The following AP1G2 variants were observed in gnomAD, a reference collection of about 807,000 sequenced individuals.
The protein encoded by AP1G2 is AP-1 complex subunit gamma-like 2.
AP1G2 carries 85 observed loss-of-function variants against 95.8 expected under a neutral mutation model. The observed-to-expected ratio is 0.89, with a 90% CI of 0.74 to 1.06. The LOEUF (loss-of-function observed/expected upper bound fraction) is 1.06, where lower values mean the gene tolerates loss of function less well. AP1G2 is among the 50% of genes least tolerant of loss of function. The pLI is 0.00. For synonymous variants in AP1G2, 378 were observed against 400.0 expected (o/e 0.94, Z 0.66); for missense variants, 967 against 1,005.8 (o/e 0.96, Z 0.52).
In AP1G2 at chr14:23,563,370, G is replaced by A. The variant is rs373713459; in HGVS notation, c.1410+10C>T. On this transcript the variant is annotated intron_variant, in intron 14 of 21. Coordinates refer to ENST00000397120, the MANE Select transcript of AP1G2 (RefSeq NM_003917.5). ...GGGCAGCCCTGGGCCTAGGTAGGTG[G>A]GAATGGTACCTGGGAAATGTCTTCT... is the stretch of plus-strand genomic sequence containing the variant. The A allele has an allele frequency of 1.9e-6, 3 of 1,580,216 alleles. No individual in the cohort carries two copies. The highest frequency in any genetic ancestry group is 2.7e-5 in the African/African-American group (2 of 74,054).
In AP1G2 at chr14:23,567,686, CAGGCA is replaced by C; in HGVS notation, c.-6+48_-6+52del. 1 of 913,694 alleles carries C rather than the reference CAGGCA, an allele frequency of 1.1e-6. No individual in the cohort carries two copies. Among genetic ancestry groups the C allele is most frequent in the Non-Finnish European group, 1.3e-6 (1 of 759,844 alleles). 56.6% of individuals were successfully genotyped at this position (913,694 alleles called of 1,614,324 possible). ...GAGCTTCCTCCCCCGATTTCCATCTCAGGCAGCGGCAGCGGCAGCGACAGCCTGCC... is the reference window on the plus strand; with the variant it reads ...GAGCTTCCTCCCCCGATTTCCATCTCGCGGCAGCGGCAGCGACAGCCTGCC... On this transcript the variant is annotated intron_variant, in intron 1 of 21. Transcript: ENST00000397120. The surrounding 1 kb of genome is among the most constrained non-coding windows in gnomAD (Gnocchi z 5.3).
rs769470155 is a variant in AP1G2 at position 23,566,071 on chromosome 14, A to C, written c.561T>G (p.Arg187=). 1 of 1,614,132 alleles carries C rather than the reference A, an allele frequency of 6.2e-7. No individual in the cohort carries two copies. The highest frequency in any genetic ancestry group is 8.5e-7 in the Non-Finnish European group (1 of 1,180,012). Residue 187 remains arginine (R), a synonymous_variant, in exon 5 of 22, where the codon CGT becomes CGG. Coordinates refer to ENST00000397120, the MANE Select transcript of AP1G2 (RefSeq NM_003917.5). ...LPPCAQLLHE[R]HHGILLGTIT... ...GGGGCCCCACAGCCTTACCATGGTG[A>C]CGCTCATGAAGCAGTTGGGCACAGG...
Position 23,562,313 on chromosome 14 carries a change from T to C in AP1G2, c.1603A>G (p.Ser535Gly), listed in dbSNP as rs773276758. ...GYALTALMKL[S>G]TRLCGDNNRI... is the part of the protein sequence containing the mutation. ...TTGTTGTCCCCACAGAGGCGAGTGC[T>C]GAGCTTCATGAGGGCTGTGAGGGCA... The change falls in exon 16 of 22, where the codon AGC becomes GGC. Residue 535 changes from serine (S) to glycine (G), a missense_variant. Coordinates refer to ENST00000397120, the MANE Select transcript of AP1G2 (RefSeq NM_003917.5). The C allele has an allele frequency of 8.7e-6, 14 of 1,614,010 alleles. No homozygotes were observed. Among genetic ancestry groups the C allele is most frequent in the Non-Finnish European group, 1.2e-5 (14 of 1,179,962 alleles).
rs533190621 is a variant in AP1G2 at position 23,562,346 on chromosome 14, G to C, written c.1570C>G (p.Arg524Gly). Residue 524 changes from arginine (R) to glycine (G), a missense_variant, in exon 16 of 22, where the codon CGA becomes GGA. Physicochemically the swap from Arg to Gly is moderately radical, Grantham distance 125 (BLOSUM62 -2). Coordinates refer to ENST00000397120, the MANE Select transcript of AP1G2 (RefSeq NM_003917.5). ...ATGAGGGCTGTGAGGGCATATCCTC[G>C]AGTGGCTGGCAGGGACATGTGGGAC... The part of the protein sequence containing the change: ...LQSHMSLPAT[R>G]GYALTALMKL... The C allele has an allele frequency of 1.2e-6, 2 of 1,614,160 alleles. No individual in the cohort carries two copies. The highest frequency in any genetic ancestry group is 4.5e-5 in the East Asian group (2 of 44,892).
chr14:23,563,750 C>T lies in AP1G2; in HGVS notation c.1198G>A (p.Asp400Asn). The part of the protein sequence containing the change: ...LESCPPDLRA[D>N]CASGILLAAE... The stretch of plus-strand genomic sequence containing the variant: ...GCCAGCAGGATGCCTGAGGCACAGT[C>T]AGCCCGTAGGTCAGGAGGGCAGGAC... Residue 400 changes from aspartate to asparagine, a missense_variant, in exon 12 of 22, where the codon GAC (aspartate) becomes AAC (asparagine). Asp to Asn is a conservative substitution (Grantham distance 23). Transcript: ENST00000397120. 2 of 1,614,208 alleles carry T rather than the reference C, an allele frequency of 1.2e-6. No homozygotes were observed. The highest frequency in any genetic ancestry group is 1.7e-6 in the Non-Finnish European group (2 of 1,180,026).
intron 12 of AP1G2, 27 bp downstream of exon 12, chr14:23,563,689 A>G: frequency 6.2e-7 from 1 of 1,613,920 alleles, no homozygotes; most frequent in Non-Finnish European, 8.5e-7. Context: ...CCCAGATTCT[A>G]CCCTCTTCGA....
At position 23,566,656 on chromosome 14, in the gene AP1G2, TGGA is replaced by T. The variant is rs1214400069; in HGVS notation, c.232_234del (p.Ser78del). The T allele has an allele frequency of 1.2e-6, 2 of 1,614,204 alleles. No individual in the cohort carries two copies. Among genetic ancestry groups the T allele is most frequent in the African/African-American group, 2.7e-5 (2 of 75,042 alleles). On this transcript the variant is annotated inframe_deletion, in exon 3 of 22. Coordinates refer to ENST00000397120, the MANE Select transcript of AP1G2 (RefSeq NM_003917.5). ...TAGCCCACCCTCTTGTCTGTGAATC[TGGA>T]GGAGGCGATCAGTTTCAGGCACTCC...
chr14:23,559,828 C>T lies in AP1G2; in HGVS notation c.2279G>A (p.Arg760His), dbSNP rs74849041. Residue 760 changes from arginine (R) to histidine (H), a missense_variant, in exon 22 of 22, where the codon CGC becomes CAC. By Grantham distance (29) the Arg-to-His change is conservative (BLOSUM62 0). Coordinates refer to ENST00000397120, the MANE Select transcript of AP1G2 (RefSeq NM_003917.5). Reference protein sequence around the residue: ...PNKAPLRLKLRLTYDHFHQSV... With the variant: ...PNKAPLRLKLHLTYDHFHQSV... ...CTGGTGAAAGTGGTCGTAGGTGAGGCGCAGCTTTAGCCGCAGGGGGGCCTA... is the reference window on the plus strand; with the variant it reads ...CTGGTGAAAGTGGTCGTAGGTGAGGTGCAGCTTTAGCCGCAGGGGGGCCTA... 3.4e-3 allele frequency: 5,476 copies of T among 1,614,086 alleles called. 110 individuals carry two copies. The East Asian group carries it at 0.052, about 15-fold the overall frequency.
At position 23,560,258 on chromosome 14, in the gene AP1G2, G is replaced by A. The variant is rs770268364; in HGVS notation, c.2154C>T (p.Pro718=). The A allele has an allele frequency of 6.2e-7, 1 of 1,613,224 alleles. No individual in the cohort carries two copies. Among genetic ancestry groups the A allele is most frequent in the African/African-American group, 1.3e-5 (1 of 74,890 alleles). ...CTGAACTCTGATCTTTACAAACCTTGGGCACAGCAGCCTGGCAGATGAAAT... is the reference window on the plus strand; with the variant it reads ...CTGAACTCTGATCTTTACAAACCTTAGGCACAGCAGCCTGGCAGATGAAAT... ...VTHFICQAAV[P]KSLQLQLQAP... is the part of the protein sequence containing the mutation. The change falls in exon 20 of 22, where the codon CCC becomes CCT. Residue 718 remains proline (P), a synonymous_variant. Transcript: ENST00000397120.
rs765178309 is a variant in AP1G2, at chr14:23,565,679, A to T, written c.668T>A (p.Ile223Asn). 1.7e-5 allele frequency: 27 copies of T among 1,613,966 alleles called. No homozygotes were observed. The highest frequency in any genetic ancestry group is 1.9e-5 in the Non-Finnish European group (23 of 1,180,000). The change falls in exon 7 of 22, where the codon ATC becomes AAC. Residue 223 changes from isoleucine to asparagine, a missense_variant. Transcript: ENST00000397120. ...FRKVVPQLVH[I>N]LRTLVTMGYS... ...TCCCATTGTCACCAGAGTCCGGAGGATGTGTACCAGCTGGGGTACCACCTG... is the reference window on the plus strand; with the variant it reads ...TCCCATTGTCACCAGAGTCCGGAGGTTGTGTACCAGCTGGGGTACCACCTG...
chr14:23,566,822 G>A (rs947840956), intron 2 of AP1G2, 136 bp from the exon 3 acceptor site: 1 of 1,321,216 alleles, frequency 7.6e-7, no homozygotes, highest in African/African-American at 1.5e-5. Flanking sequence ...AACAAGAGGA[G>A]AAGCTTAGGA....
chr14:23,561,019 T>G, intron 19 of AP1G2: 1 of 1,014,220 alleles, frequency 9.9e-7, no homozygotes, highest in Non-Finnish European at 1.2e-6. Context: ...TGGGAGGGTG[T>G]GAGGAGCTGA....
chr14:23,566,004 G>A (rs1887743899), intron 5 of AP1G2, 60 bp downstream of exon 5: 2 of 1,613,578 alleles, frequency 1.2e-6, no homozygotes, highest in Admixed American at 1.7e-5. Context: ...GTTCCCATCC[G>A]ATTTTCAATT....
intron 14 of AP1G2, chr14:23,563,004 T>G (rs1400948491): frequency 2.8e-5 from 29 of 1,032,146 alleles, no homozygotes; most frequent in Admixed American, 4.4e-5. Flanking sequence ...TGATGCTTTC[T>G]GCCCACCCTA....
intron 19 of AP1G2, 139 bp from the exon 20 acceptor site, chr14:23,560,557 G>A: frequency 1.1e-6 from 1 of 874,770 alleles, no homozygotes; most frequent in Non-Finnish European, 1.7e-6. Flanking sequence ...ATGTAGATGA[G>A]GATGGAGCTT....
At chr14:23,565,343 C>T (rs1479586050) in intron 7 of AP1G2, 144 bp from the exon 8 acceptor site, 1 of 885,530 alleles carries the variant, frequency 1.1e-6, no homozygotes, top group Admixed American at 2.2e-5. Flanking sequence ...TCCCTTGGTC[C>T]TAGGAGGGGA....
chr14:23,559,902 CCTGGGT>C, intron 21 of AP1G2, 30 bp downstream of exon 21: 1 of 1,611,798 alleles, frequency 6.2e-7, no homozygotes, highest in Non-Finnish European at 8.5e-7. Context: ...TTCTTCTATC[CCTGGGT>C]CTTGTCTTGG....
chr14:23,566,571 C>A lies in AP1G2; in HGVS notation c.320G>T (p.Ser107Ile). 1 of 1,614,148 alleles carries A rather than the reference C, an allele frequency of 6.2e-7. No homozygotes were observed. The highest frequency in any genetic ancestry group is 1.3e-5 in the African/African-American group (1 of 75,030). Residue 107 changes from serine to isoleucine, a missense_variant, in exon 3 of 22, where the codon AGC (serine) becomes ATC (isoleucine). Transcript: ENST00000397120. ...GCCAGAACCCTCTCACTTCTTGATG[C>A]TGTTGGTAATGAGCAGGTGGGCATC... Reference protein sequence around the residue: ...RHDAHLLITNSIKNDLSQGIQ... With the variant: ...RHDAHLLITNIIKNDLSQGIQ...
chr14:23,565,010 T>C, intron 8 of AP1G2, 109 bp downstream of exon 8: 1 of 1,022,966 alleles, frequency 9.8e-7, no homozygotes. Context: ...CTAGAGGAGA[T>C]GGAGAGGCAA....
Sources: gnomAD v4.1 joint callset for allele counts on GRCh38, gnomAD v4.1.1 for gene constraint, Gnocchi (gnomAD v3.1) non-coding constraint, MANE v1.5 for transcripts, NCBI Gene and HGNC (gene_info 2026-07-23, HGNC 2026-07-21) for gene names.